Variants in TFB1M observed in about 807,000 individuals in gnomAD.
The protein encoded by TFB1M is dimethyladenosine transferase 1, mitochondrial.
TFB1M carries 27 observed loss-of-function variants against 31.1 expected under a neutral mutation model. That is an observed-to-expected ratio of 0.87 (90% CI 0.64 to 1.20). TFB1M has a LOEUF of 1.20. TFB1M is among the 50% of genes most tolerant of loss of function. The probability of loss-of-function intolerance (pLI) is 0.00; values close to 1 mark genes in which losing one functional copy is unlikely to be tolerated. For synonymous variants in TFB1M, 166 were observed against 151.8 expected (o/e 1.09, Z -0.69); for missense variants, 394 against 418.7 (o/e 0.94, Z 0.51).
At chr6:155,245,761 T>C in the TFB1M span, 1 of 1,455,832 alleles carries the variant, frequency 6.9e-7, no homozygotes, top group Non-Finnish European at 9.3e-7. Context: ...TATAGTTTTT[T>C]TTTTTTTTTG....
chr6:155,238,678 G>A, the TFB1M span, among the ~76,000 whole-genome samples: 3 of 152,188 alleles, frequency 2.0e-5, no homozygotes, highest in Non-Finnish European at 4.4e-5. Context: ...AGCCTTCCTG[G>A]ACAACCGATT....
intron 4 of TFB1M, among the ~76,000 whole-genome samples, 173 bp from the exon 5 acceptor site, chr6:155,285,450 A>G (rs1398273602): frequency 6.6e-6 from 1 of 152,230 alleles, no homozygotes; most frequent in Non-Finnish European, 1.5e-5. Context: ...TTTTCCTCCA[A>G]CATCAACTGA....
At chr6:155,252,970 A>T (rs1562375804), downstream of TFB1M, 1 of 1,614,164 alleles carries the variant, frequency 6.2e-7, no homozygotes, top group South Asian at 1.1e-5. Flanking sequence ...CGGCCTGCAC[A>T]CAACTCTACT....
intron 2 of TFB1M, among the ~76,000 whole-genome samples, chr6:155,302,577 T>A (rs1394206098): frequency 6.6e-6 from 1 of 152,124 alleles, no homozygotes; most frequent in East Asian, 1.9e-4. Context: ...AAATGTACGT[T>A]TTCAGACTTT....
At chr6:155,273,268 T>C (rs1425441643) in intron 5 of TFB1M, among the ~76,000 whole-genome samples, 1 of 152,236 alleles carries the variant, frequency 6.6e-6, no homozygotes, top group Non-Finnish European at 1.5e-5. Context: ...CACTGATGTC[T>C]ACAGATAAGT....
Position 155,276,367 on chromosome 6 carries a change from G to C in TFB1M, c.666+8791C>G, listed in dbSNP as rs267600871. Reference sequence around the variant, plus strand: ...AGAACAATTCCACACACAATCTGAAGGATTATGTGTAAATAACTGAGTAAT... The same window carrying C: ...AGAACAATTCCACACACAATCTGAACGATTATGTGTAAATAACTGAGTAAT... On this transcript the variant is annotated intron_variant, in intron 5 of 6. Coordinates refer to ENST00000367166, the MANE Select transcript of TFB1M (RefSeq NM_016020.4). The C allele has an allele frequency of 1.9e-6, 3 of 1,612,370 alleles. No homozygotes were observed. The East Asian group carries it at 6.7e-5, about 36-fold the overall frequency.
chr6:155,251,282 ATCTTTT>A (rs376138659), downstream of TFB1M, among the ~76,000 whole-genome samples: 44 of 152,228 alleles, frequency 2.9e-4, no homozygotes, highest in Non-Finnish European at 5.1e-4. Context: ...GAAACCTGCT[ATCTTTT>A]TCTTTTTCTT....
intron 5 of TFB1M, among the ~76,000 whole-genome samples, chr6:155,270,771 A>G (rs572310722): frequency 1.3e-5 from 2 of 152,350 alleles, no homozygotes; most frequent in East Asian, 3.9e-4. Context: ...GCGACCAGCG[A>G]AACAAGCCAG....
the TFB1M span, among the ~76,000 whole-genome samples, chr6:155,229,932 C>T: frequency 6.6e-6 from 1 of 152,038 alleles, no homozygotes. Flanking sequence ...TTCACTATCA[C>T]GAGTACAGCA....
intron 5 of TFB1M, chr6:155,260,929 T>C (rs2114665870): frequency 5.5e-6 from 1 of 180,754 alleles, no homozygotes; most frequent in East Asian, 1.4e-4. Context: ...CAGAACTTTC[T>C]AGTAGCAATT....
chr6:155,244,755 A>G, the TFB1M span: 1 of 1,613,740 alleles, frequency 6.2e-7, no homozygotes, highest in Non-Finnish European at 8.5e-7. Context: ...TCTGACTTTA[A>G]CACCCTAGAA....
intron 4 of TFB1M, among the ~76,000 whole-genome samples, chr6:155,296,604 C>A: frequency 6.6e-6 from 1 of 151,294 alleles, no homozygotes; most frequent in East Asian, 1.9e-4. Flanking sequence ...AACTGCCATG[C>A]CATTAAGCCT....
At chr6:155,231,516 C>T in the TFB1M span, among the ~76,000 whole-genome samples, 1 of 152,212 alleles carries the variant, frequency 6.6e-6, no homozygotes, top group South Asian at 2.1e-4. Context: ...TAACTCCCAC[C>T]ACACCCTGCC....
the TFB1M span, among the ~76,000 whole-genome samples, chr6:155,231,350 T>C: frequency 8.3e-3 from 1,267 of 152,346 alleles, 18 homozygotes; most frequent in African/African-American, 0.029. Context: ...ACAAATAATA[T>C]GGGGCTCTTT....
Position 155,298,529 on chromosome 6 carries a change from T to G in TFB1M, c.342A>C (p.Thr114=). 2 of 1,613,618 alleles carry G rather than the reference T, an allele frequency of 1.2e-6. No individual in the cohort carries two copies. Among genetic ancestry groups the G allele is most frequent in the Non-Finnish European group, 1.7e-6 (2 of 1,179,728 alleles). ...CTGAAAAAGCCTTTTCTACCTTAAA[T>G]GTCAAGACATCTCCATGAACAATTC... ...KLRIVHGDVL[T]FKVEKAFSES... The change falls in exon 3 of 7, where the codon ACA becomes ACC. Residue 114 remains threonine, a synonymous_variant. Coordinates refer to ENST00000367166, the MANE Select transcript of TFB1M (RefSeq NM_016020.4).
At chr6:155,254,182 C>A, downstream of TFB1M, 1 of 1,152,206 alleles carries the variant, frequency 8.7e-7, no homozygotes, top group Non-Finnish European at 1.2e-6. Flanking sequence ...CCCCACCCTC[C>A]GAAAAAGGCA....
At chr6:155,248,226 G>A in the TFB1M span, 9 of 1,573,026 alleles carry the variant, frequency 5.7e-6, no homozygotes, top group Admixed American at 7.4e-5. Flanking sequence ...ACAGGGCGGC[G>A]AGGGGCTGCC....
intron 5 of TFB1M, among the ~76,000 whole-genome samples, chr6:155,271,748 A>C (rs1056286878): frequency 1.3e-5 from 2 of 152,232 alleles, no homozygotes; most frequent in African/African-American, 4.8e-5. Flanking sequence ...ATATCTTTCA[A>C]CATAGAGAAA....
chr6:155,242,056 G>GGTGT, the TFB1M span, among the ~76,000 whole-genome samples: 2 of 152,182 alleles, frequency 1.3e-5, no homozygotes, highest in Non-Finnish European at 2.9e-5. Context: ...GTACTCAGAT[G>GGTGT]GTGTCATGGG....
Sources: gnomAD v4.1 joint callset for allele counts (sites outside exome capture counted in the v4.1 genomes callset) on GRCh38, gnomAD v4.1.1 for gene constraint, MANE v1.5 for transcripts, NCBI Gene and HGNC (gene_info 2026-07-23, HGNC 2026-07-21) for gene names.